VASH2: variants seen among roughly 807,000 people sequenced by gnomAD.
VASH2 encodes vasohibin 2.
A neutral mutation model predicts 37.2 loss-of-function variants in VASH2; 28 were observed. The ratio of observed to expected loss-of-function variants is 0.75; its 90% CI spans 0.56 to 1.03. The LOEUF (loss-of-function observed/expected upper bound fraction) is 1.03. Among genes scored for constraint, VASH2 ranks in the 50% least tolerant of loss-of-function variants. The pLI is 0.00. For synonymous variants in VASH2, 188 were observed against 174.7 expected (o/e 1.08, Z -0.60); for missense variants, 419 against 459.1 (o/e 0.91, Z 0.80).
rs2075837405 is a variant in VASH2 at position 212,989,657 on chromosome 1, C to T, written c.*1073C>T. 1 of 152,022 alleles carries T rather than the reference C, an allele frequency of 6.6e-6. No individual in the cohort carries two copies. The highest frequency in any genetic ancestry group is 6.6e-5 in the Admixed American group (1 of 15,254). The allele number at this position is 152,022 out of a possible 1,614,324, so 9.4% of individuals were successfully genotyped here. A position where few individuals can be genotyped will look rare whatever the true frequency, so the allele number is the denominator to read the frequency against. On this transcript the variant is annotated 3_prime_UTR_variant, in exon 8 of 8. Coordinates refer to ENST00000517399, the MANE Select transcript of VASH2 (RefSeq NM_001301056.2). ...GACATGATGTGATTATCTTCCAGTA[C>T]TTTGCTTTTAGGTACCATTTCATGA...
intron 2 of VASH2, among the ~76,000 whole-genome samples, chr1:212,960,735 A>G (rs891321583): frequency 1.3e-5 from 2 of 152,254 alleles, no homozygotes; most frequent in African/African-American, 4.8e-5. Flanking sequence ...GCAGTAGAGC[A>G]CTTGTAGTGG....
intron 7 of VASH2, among the ~76,000 whole-genome samples, chr1:212,983,657 T>C (rs1667398791): frequency 6.6e-6 from 1 of 152,064 alleles, no homozygotes; most frequent in Non-Finnish European, 1.5e-5. Flanking sequence ...ACAGAGCAAG[T>C]AGTGGATTGT....
At position 212,975,769 on chromosome 1, in the gene VASH2, A is replaced by G. The variant is rs566287785; in HGVS notation, c.995+1699A>G. On this transcript the variant is annotated intron_variant, in intron 7 of 7. Transcript: ENST00000517399. ...TGTTTTGCCCAAGGAGGGCTGAGTCATTCCCTGAGGAGCTCCCAATCTTCA... is the reference window on the plus strand; with the variant it reads ...TGTTTTGCCCAAGGAGGGCTGAGTCGTTCCCTGAGGAGCTCCCAATCTTCA... Among the ~76,000 whole-genome samples, 11 of 152,350 alleles carry G rather than the reference A, an allele frequency of 7.2e-5. 1 individual carries two copies. The South Asian group carries it at 2.3e-3, about 32-fold the overall frequency.
chr1:212,979,838 G>A (rs983576200), intron 7 of VASH2, among the ~76,000 whole-genome samples: 36 of 152,270 alleles, frequency 2.4e-4, no homozygotes, highest in Admixed American at 4.6e-4. Context: ...CCTGTGGTTC[G>A]TAAAGAGAAA....
intron 6 of VASH2, 74 bp downstream of exon 6, chr1:212,973,035 A>G: frequency 1.3e-6 from 2 of 1,539,774 alleles, no homozygotes; most frequent in African/African-American, 2.8e-5. Flanking sequence ...CTCTTGCTCC[A>G]GGCCTCATTT....
intron 7 of VASH2, among the ~76,000 whole-genome samples, chr1:212,977,479 A>T (rs947584463): frequency 6.6e-6 from 1 of 151,996 alleles, no homozygotes; most frequent in Non-Finnish European, 1.5e-5. Flanking sequence ...TTAATGGAGG[A>T]AGATATATGA....
At position 212,977,077 on chromosome 1, in the gene VASH2, G is replaced by C. The variant is rs1021826138; in HGVS notation, c.995+3007G>C. 2.6e-5 allele frequency among the ~76,000 whole-genome samples: 4 copies of C among 152,146 alleles called. No individual in the cohort carries two copies. In the South Asian group the frequency reaches 6.2e-4, roughly 24 times the overall value. On this transcript the variant is annotated intron_variant, in intron 7 of 7. Coordinates refer to ENST00000517399, the MANE Select transcript of VASH2 (RefSeq NM_001301056.2). ...AGGGAAAGTAGTGGGGGAAGGAGAA[G>C]CACTATGCACTGAGGTGACATTTAG...
intron 7 of VASH2, among the ~76,000 whole-genome samples, chr1:212,981,974 A>T (rs1451056158): frequency 6.6e-6 from 1 of 152,188 alleles, no homozygotes; most frequent in Non-Finnish European, 1.5e-5. Context: ...GCTGCCTCAG[A>T]GTGTGAAGGA....
At chr1:212,955,049 GC>G (rs1270230089) in intron 2 of VASH2, among the ~76,000 whole-genome samples, 1 of 152,290 alleles carries the variant, frequency 6.6e-6, no homozygotes, top group East Asian at 1.9e-4. Flanking sequence ...GCTCAGCATG[GC>G]AGACTCTTTC....
intron 5 of VASH2, chr1:212,966,982 T>C (rs1413500128): frequency 4.9e-6 from 3 of 606,188 alleles, no homozygotes; most frequent in Non-Finnish European, 8.4e-6. Context: ...TGAGCTCAAG[T>C]GATCCGCCCA....
chr1:212,984,392 C>G (rs1325559301), intron 7 of VASH2, among the ~76,000 whole-genome samples: 11 of 152,104 alleles, frequency 7.2e-5, no homozygotes, highest in Admixed American at 7.2e-4. Context: ...TCCCAGTGAG[C>G]CTCCATGACA....
intron 2 of VASH2, among the ~76,000 whole-genome samples, chr1:212,954,964 G>A (rs748747815): frequency 1.4e-4 from 21 of 152,118 alleles, no homozygotes; most frequent in Non-Finnish European, 2.9e-4. Flanking sequence ...CCCTGCCTAG[G>A]CCTTAACATG....
Position 212,961,198 on chromosome 1 carries a change from G to A in VASH2, c.309G>A (p.Leu103=), listed in dbSNP as rs144856946. ...PSIPQVPNYR[L]SMTIPDWLQA... ...TACCCCAGGTCCCAAACTACAGGCT[G>A]TCGATGACGATCCCAGACTGGCTCC... The change falls in exon 3 of 8, where the codon CTG becomes CTA. Residue 103 remains leucine, a synonymous_variant. Coordinates refer to ENST00000517399, the MANE Select transcript of VASH2 (RefSeq NM_001301056.2). 8,055 of 1,614,186 alleles carry A rather than the reference G, an allele frequency of 5.0e-3. 30 individuals are homozygous for A. The highest frequency in any genetic ancestry group is 5.3e-3 in the Non-Finnish European group (6,233 of 1,180,020).
chr1:212,969,281 C>G (rs755184985), intron 5 of VASH2: 45 of 801,406 alleles, frequency 5.6e-5, no homozygotes, highest in Middle Eastern at 6.2e-4. Context: ...CAAGCTCTGC[C>G]TCCCGGGTTC....
rs377581842 is a variant in VASH2, at chr1:212,991,024, C to A, written c.*2440C>A. The stretch of plus-strand genomic sequence containing the variant: ...ATAAAACTATGAAGTGATTTGAAAT[C>A]GGTTTTAAAAAGTTGTTAGTGCAAG... On this transcript the variant is annotated 3_prime_UTR_variant, in exon 8 of 8. Transcript: ENST00000517399. 12 of 152,186 alleles carry A rather than the reference C, an allele frequency of 7.9e-5. No individual in the cohort carries two copies. Among genetic ancestry groups the A allele is most frequent in the Admixed American group, 3.9e-4 (6 of 15,296 alleles). 9.4% of individuals were successfully genotyped at this position (152,186 alleles called of 1,614,324 possible).
chr1:212,956,777 A>C (rs1024389185), intron 2 of VASH2, among the ~76,000 whole-genome samples: 1 of 152,184 alleles, frequency 6.6e-6, no homozygotes, highest in African/African-American at 2.4e-5. Context: ...TAGAGCACTT[A>C]AACAATTTTT....
chr1:212,954,444 G>A (rs1305834095), intron 2 of VASH2, among the ~76,000 whole-genome samples: 1 of 151,486 alleles, frequency 6.6e-6, no homozygotes, highest in Admixed American at 6.6e-5. Context: ...CTTTTGAGAT[G>A]GAGTCTTGCT....
chr1:212,972,538 T>TG, intron 5 of VASH2, 42 bp from the exon 6 acceptor site: 1 of 1,588,690 alleles, frequency 6.3e-7, no homozygotes, highest in Non-Finnish European at 8.5e-7. Context: ...GGCTTCAAAT[T>TG]TTCAAGGCCT....
chr1:212,981,053 C>G (rs1468788555), intron 7 of VASH2, among the ~76,000 whole-genome samples: 3 of 152,178 alleles, frequency 2.0e-5, no homozygotes, highest in African/African-American at 7.2e-5. Flanking sequence ...CACATAGGGT[C>G]AGACAGGGGC....
Sources: gnomAD v4.1 joint callset for allele counts (sites outside exome capture counted in the v4.1 genomes callset) on GRCh38, gnomAD v4.1.1 for gene constraint, MANE v1.5 for transcripts, NCBI Gene and HGNC (gene_info 2026-07-23, HGNC 2026-07-21) for gene names.